KIAA0825: variants seen among roughly 807,000 people sequenced by gnomAD.
KIAA0825 encodes the protein uncharacterized protein KIAA0825.
KIAA0825 carries 119 observed loss-of-function variants against 147.6 expected under a neutral mutation model. That is an observed-to-expected ratio of 0.81 (90% CI 0.69 to 0.94). The LOEUF is 0.94. Ranked by LOEUF, KIAA0825 falls within the 40% of genes least tolerant of loss-of-function variation. KIAA0825 has a pLI of 0.00. For missense variants in KIAA0825, 1,381 were observed against 1,472.7 expected (o/e 0.94, Z 1.02); for synonymous variants, 470 against 518.1 (o/e 0.91, Z 1.26).
chr5:94,200,809 A>G (rs1419285724), intron 20 of KIAA0825, among the ~76,000 whole-genome samples: 1 of 149,910 alleles, frequency 6.7e-6, no homozygotes, highest in Non-Finnish European at 1.5e-5. Flanking sequence ...TCCTACTCCT[A>G]CTCCTTAAAT....
chr5:94,241,545 A>T (rs559752089), intron 20 of KIAA0825, among the ~76,000 whole-genome samples: 14 of 152,348 alleles, frequency 9.2e-5, no homozygotes, highest in Admixed American at 2.0e-4. Context: ...CCTGCTGGAA[A>T]ATGGTTCCAT....
chr5:94,170,010 T>C (rs781761512), intron 20 of KIAA0825, among the ~76,000 whole-genome samples: 42 of 152,164 alleles, frequency 2.8e-4, no homozygotes, highest in Non-Finnish European at 4.1e-4. Context: ...ATCTCCCACG[T>C]AAGCTATCTC....
intron 5 of KIAA0825, among the ~76,000 whole-genome samples, chr5:94,509,734 C>T (rs2151157909): frequency 6.6e-6 from 1 of 152,268 alleles, no homozygotes; most frequent in South Asian, 2.1e-4. Context: ...CATACTGATT[C>T]TACATTACAT....
At chr5:94,271,258 G>A (rs759621915) in intron 20 of KIAA0825, among the ~76,000 whole-genome samples, 2 of 151,968 alleles carry the variant, frequency 1.3e-5, no homozygotes, top group African/African-American at 4.8e-5. Flanking sequence ...AAGAAAAAAT[G>A]GACAAATGGG....
chr5:94,154,147 G>T, intron 20 of KIAA0825, 23 bp from the exon 21 acceptor site: 1 of 1,458,474 alleles, frequency 6.9e-7, no homozygotes, highest in Non-Finnish European at 9.4e-7. Flanking sequence ...TCACATCTTA[G>T]CATTTTTGTA....
intron 5 of KIAA0825, chr5:94,519,100 C>T (rs1015001620): frequency 6.0e-6 from 3 of 496,960 alleles, no homozygotes; most frequent in Non-Finnish European, 7.8e-6. Flanking sequence ...TGTATTTTGC[C>T]ATAACCGAAT....
At chr5:94,223,581 T>G (rs537915045) in intron 20 of KIAA0825, among the ~76,000 whole-genome samples, 1 of 152,226 alleles carries the variant, frequency 6.6e-6, no homozygotes, top group African/African-American at 2.4e-5. Flanking sequence ...CCAAGTGACA[T>G]GAATATATTA....
At chr5:94,497,544 A>G (rs558282420) in intron 5 of KIAA0825, among the ~76,000 whole-genome samples, 3 of 152,348 alleles carry the variant, frequency 2.0e-5, no homozygotes, top group Non-Finnish European at 4.4e-5. Flanking sequence ...CACAAAACTC[A>G]TAAGTCACAG....
intron 20 of KIAA0825, among the ~76,000 whole-genome samples, chr5:94,246,128 C>T (rs1265644719): frequency 6.6e-6 from 1 of 152,126 alleles, no homozygotes; most frequent in East Asian, 1.9e-4. Context: ...TCTTCAAGAA[C>T]ATTTTATTGT....
chr5:94,472,692 C>A (rs1562531989), intron 8 of KIAA0825, among the ~76,000 whole-genome samples: 2 of 152,088 alleles, frequency 1.3e-5, no homozygotes, highest in East Asian at 1.9e-4. Flanking sequence ...TGCAGTGAGC[C>A]GAGATCGCGC....
intron 20 of KIAA0825, among the ~76,000 whole-genome samples, chr5:94,286,950 G>A (rs1023733164): frequency 1.3e-5 from 2 of 152,058 alleles, no homozygotes; most frequent in Non-Finnish European, 2.9e-5. Context: ...CCCTGGGCTC[G>A]TCTTATAACC....
chr5:94,541,444 T>G (rs1449389105), intron 2 of KIAA0825, among the ~76,000 whole-genome samples: 2 of 152,200 alleles, frequency 1.3e-5, no homozygotes, highest in African/African-American at 4.8e-5. Flanking sequence ...GAATGTGGAT[T>G]TATTTACTTT....
At chr5:94,449,223 GAA>G (rs1758094077) in intron 13 of KIAA0825, among the ~76,000 whole-genome samples, 1 of 152,188 alleles carries the variant, frequency 6.6e-6, no homozygotes, top group Non-Finnish European at 1.5e-5. Context: ...CTGGAGCAGA[GAA>G]AACTCTCCAG....
chr5:94,458,463 G>A (rs143699935), intron 12 of KIAA0825, among the ~76,000 whole-genome samples: 10 of 152,306 alleles, frequency 6.6e-5, no homozygotes, highest in African/African-American at 2.4e-4. Context: ...AGGACACTAG[G>A]TGGAGAGAGA....
intron 1 of KIAA0825, among the ~76,000 whole-genome samples, chr5:94,610,990 T>C (rs1396921417): frequency 6.6e-6 from 1 of 151,900 alleles, no homozygotes; most frequent in Non-Finnish European, 1.5e-5. Flanking sequence ...AGTAAACTGG[T>C]GGTGTGGCAT....
chr5:94,206,966 G>A (rs190072807), intron 20 of KIAA0825, among the ~76,000 whole-genome samples: 160 of 152,148 alleles, frequency 1.1e-3, no homozygotes, highest in African/African-American at 3.2e-3. Context: ...GGTTTGGGGA[G>A]GTGGAAAGCA....
chr5:94,301,373 A>G (rs892256840), intron 20 of KIAA0825, among the ~76,000 whole-genome samples: 8 of 151,104 alleles, frequency 5.3e-5, no homozygotes, highest in African/African-American at 1.9e-4. Context: ...CTATTCTTAA[A>G]CCTAATAAAT....
intron 20 of KIAA0825, among the ~76,000 whole-genome samples, chr5:94,168,165 C>A (rs555485475): frequency 6.6e-6 from 1 of 151,992 alleles, no homozygotes; most frequent in East Asian, 1.9e-4. Context: ...CACTTGCCAT[C>A]ATGAATTAGT....
intron 20 of KIAA0825, among the ~76,000 whole-genome samples, chr5:94,356,361 A>C (rs1784250147): frequency 6.6e-6 from 1 of 151,954 alleles, no homozygotes; most frequent in South Asian, 2.1e-4. Context: ...TAATCCCAGC[A>C]CTTTGGGAGG....
Sources: gnomAD v4.1 joint callset for allele counts (sites outside exome capture counted in the v4.1 genomes callset) on GRCh38, gnomAD v4.1.1 for gene constraint, MANE v1.5 for transcripts, NCBI Gene and HGNC (gene_info 2026-07-23, HGNC 2026-07-21) for gene names.